Variants in MMP20 observed in about 807,000 individuals in gnomAD.
MMP20 encodes the protein matrix metalloproteinase-20.
In MMP20, 50 loss-of-function variants were observed where a neutral mutation model predicts 51.8. The ratio of observed to expected loss-of-function variants is 0.97; its 90% confidence interval spans 0.77 to 1.22. The LOEUF (loss-of-function observed/expected upper bound fraction) is 1.22, where lower values mean the gene tolerates loss of function less well. Among genes scored for constraint, MMP20 ranks in the 50% most tolerant of loss-of-function variants. The probability of loss-of-function intolerance (pLI) is 0.00; values close to 1 mark genes in which losing one functional copy is unlikely to be tolerated. For missense variants in MMP20, 663 were observed against 601.4 expected (o/e 1.10, Z -1.07); for synonymous variants, 244 against 216.2 (o/e 1.13, Z -1.13).
At chr11:102,601,933 C>CT (rs1859450471) in intron 6 of MMP20, among the ~76,000 whole-genome samples, 2 of 144,112 alleles carry the variant, frequency 1.4e-5, no homozygotes, top group Admixed American at 7.4e-5. Context: ...CTTAAAAATG[C>CT]TTTTCTTTTC....
chr11:102,605,242 T>C (rs1019271382), intron 6 of MMP20: 4 of 152,204 alleles, frequency 2.6e-5, no homozygotes, highest in African/African-American at 9.7e-5. Flanking sequence ...GGGGTGAAAC[T>C]TACCTTGCAG....
chr11:102,585,542 T>C (rs994681608), intron 8 of MMP20, among the ~76,000 whole-genome samples: 1 of 152,220 alleles, frequency 6.6e-6, no homozygotes, highest in Admixed American at 6.5e-5. Context: ...GATAATACCA[T>C]ATGCAAAAAG....
chr11:102,601,120 C>A lies in MMP20; in HGVS notation c.953+5415G>T, dbSNP rs1386909766. Among the ~76,000 whole-genome samples, 3 of 47,650 alleles carry A rather than the reference C, an allele frequency of 6.3e-5. 1 individual carries two copies. Among genetic ancestry groups the A allele is most frequent in the Non-Finnish European group, 1.3e-4 (3 of 22,480 alleles). The allele number at this position is 47,650 out of a possible 152,430, so 31.3% of individuals were successfully genotyped here. A position where few individuals can be genotyped will look rare whatever the true frequency, so the allele number is the denominator to read the frequency against. On this transcript the variant is annotated intron_variant, in intron 6 of 9. Coordinates refer to ENST00000260228, the MANE Select transcript of MMP20 (RefSeq NM_004771.4). ...GTTGCAAATGACCACGAAGTGTCGGCTATTCTTTTTTTTTTTTTTTTTTTT... is the reference window on the plus strand; with the variant it reads ...GTTGCAAATGACCACGAAGTGTCGGATATTCTTTTTTTTTTTTTTTTTTTT...
At chr11:102,620,408 A>G (rs1215263229) in intron 1 of MMP20, among the ~76,000 whole-genome samples, 1 of 152,220 alleles carries the variant, frequency 6.6e-6, no homozygotes, top group East Asian at 1.9e-4. Context: ...TAACACTTGC[A>G]TATGTTGGCT....
chr11:102,605,051 G>T (rs573420764), intron 6 of MMP20, among the ~76,000 whole-genome samples: 53 of 152,184 alleles, frequency 3.5e-4, no homozygotes, highest in Non-Finnish European at 6.5e-4. Context: ...AGTAATTAGG[G>T]TTAGTGCTGG....
intron 2 of MMP20, among the ~76,000 whole-genome samples, chr11:102,613,332 T>C (rs1464693399): frequency 6.6e-6 from 1 of 152,356 alleles, no homozygotes; most frequent in East Asian, 1.9e-4. Context: ...AAGCTGTGTC[T>C]GTGAGAGCCA....
intron 8 of MMP20, among the ~76,000 whole-genome samples, chr11:102,580,842 T>C (rs1388935209): frequency 6.6e-6 from 1 of 152,218 alleles, no homozygotes; most frequent in Admixed American, 6.5e-5. Context: ...GAATAAAAGA[T>C]GGTTCTCGCC....
At chr11:102,610,376 G>T (rs1859582589) in intron 3 of MMP20, among the ~76,000 whole-genome samples, 3 of 151,076 alleles carry the variant, frequency 2.0e-5, no homozygotes, top group African/African-American at 7.3e-5. Context: ...GCGGGGCGGC[G>T]GGGGGGCGGC....
intron 8 of MMP20, 69 bp downstream of exon 8, chr11:102,593,370 A>G: frequency 6.5e-7 from 1 of 1,542,486 alleles, no homozygotes. Flanking sequence ...CTTTCGTGGA[A>G]GGGTTTTTAT....
Position 102,576,996 on chromosome 11 carries a change from A to G in MMP20, c.*330T>C. The G allele has an allele frequency of 3.3e-6, 1 of 305,816 alleles. No individual in the cohort carries two copies. Among genetic ancestry groups the G allele is most frequent in the Non-Finnish European group, 6.3e-6 (1 of 159,884 alleles). The allele number at this position is 305,816 out of a possible 1,614,324, so 18.9% of individuals were successfully genotyped here. On this transcript the variant is annotated 3_prime_UTR_variant, in exon 10 of 10. Coordinates refer to ENST00000260228, the MANE Select transcript of MMP20 (RefSeq NM_004771.4). ...TACAATATATGTCATGGAATCCACC[A>G]CTAGTCTTCCTCCTGGAAATAAAAA...
intron 1 of MMP20, among the ~76,000 whole-genome samples, chr11:102,621,412 A>G (rs1222061002): frequency 6.6e-6 from 1 of 152,346 alleles, no homozygotes; most frequent in East Asian, 1.9e-4. Flanking sequence ...GTTCTAGTCC[A>G]GGCTGTGTCA....
rs1057165082 is a variant in MMP20 at position 102,615,176 on chromosome 11, A to G, written c.374+1636T>C. On this transcript the variant is annotated intron_variant, in intron 2 of 9. Transcript: ENST00000260228. ...CGTATTTTATTTATTATTATAAAAT[A>G]ATGTTTTAATAATATATTATTAATA... Among the ~76,000 whole-genome samples the G allele has an allele frequency of 6.8e-5, 10 of 146,712 alleles. No individual in the cohort carries two copies. The East Asian group carries it at 1.8e-3, about 26-fold the overall frequency.
At chr11:102,591,998 T>C (rs1401694986) in intron 8 of MMP20, among the ~76,000 whole-genome samples, 1 of 152,184 alleles carries the variant, frequency 6.6e-6, no homozygotes, top group Non-Finnish European at 1.5e-5. Flanking sequence ...ACACTGTGAA[T>C]ACCCTTTAAA....
chr11:102,604,015 G>A (rs1201406961), intron 6 of MMP20, among the ~76,000 whole-genome samples: 2 of 110,182 alleles, frequency 1.8e-5, no homozygotes, highest in African/African-American at 3.0e-5. Context: ...TTGATAAACA[G>A]AGGTGTTTTT....
chr11:102,604,533 G>C (rs1008608262), intron 6 of MMP20, among the ~76,000 whole-genome samples: 3 of 152,078 alleles, frequency 2.0e-5, no homozygotes, highest in African/African-American at 7.2e-5. Context: ...TTGACACTAT[G>C]TGTCTGGCAC....
At chr11:102,581,360 C>CT (rs2135927838) in intron 8 of MMP20, among the ~76,000 whole-genome samples, 1 of 152,154 alleles carries the variant, frequency 6.6e-6, no homozygotes, top group Non-Finnish European at 1.5e-5. Flanking sequence ...TTTAAACTTA[C>CT]TTTACAAGAT....
intron 3 of MMP20, among the ~76,000 whole-genome samples, chr11:102,610,799 A>G (rs1037003740): frequency 6.6e-6 from 1 of 151,014 alleles, no homozygotes; most frequent in Non-Finnish European, 1.5e-5. Context: ...AAGTTTTGGT[A>G]TGGCATTTCT....
intron 8 of MMP20, among the ~76,000 whole-genome samples, chr11:102,582,273 G>A (rs1859205697): frequency 6.6e-6 from 1 of 152,086 alleles, no homozygotes; most frequent in Non-Finnish European, 1.5e-5. Flanking sequence ...ACATGTCAAG[G>A]GCATAACTGA....
chr11:102,588,463 T>C (rs1859278713), intron 8 of MMP20, among the ~76,000 whole-genome samples: 2 of 152,182 alleles, frequency 1.3e-5, no homozygotes, highest in African/African-American at 4.8e-5. Flanking sequence ...TTAGTTACCA[T>C]CTAGTGTCTT....
Sources: allele counts gnomAD v4.1 joint callset (sites outside exome capture counted in the v4.1 genomes callset), GRCh38; gene constraint gnomAD v4.1.1; transcripts MANE v1.5; gene names NCBI Gene and HGNC (gene_info 2026-07-23, HGNC 2026-07-21).